TRIM2: variants seen among roughly 807,000 people sequenced by gnomAD.
The protein encoded by TRIM2 is tripartite motif-containing protein 2.
TRIM2 carries 20 observed loss-of-function variants against 75.2 expected under a neutral mutation model. The observed-to-expected ratio is 0.27, with a 90% CI of 0.19 to 0.39. The LOEUF (loss-of-function observed/expected upper bound fraction) is 0.39. Ranked by LOEUF, TRIM2 falls within the 10% of genes least tolerant of loss-of-function variation. The pLI is 1.00. For missense variants in TRIM2, 660 were observed against 990.8 expected (o/e 0.67, Z 4.48); for synonymous variants, 373 against 388.3 (o/e 0.96, Z 0.46).
chr4:153,308,459 T>C (rs1765510008), intron 6 of TRIM2: 3 of 787,972 alleles, frequency 3.8e-6, no homozygotes, highest in African/African-American at 1.7e-5. Flanking sequence ...GTGTCTTTAA[T>C]AGGCCCAAAG....
chr4:153,273,442 A>ATTTTTTTT (rs11459214), intron 2 of TRIM2, among the ~76,000 whole-genome samples: 85 of 77,620 alleles, frequency 1.1e-3, no homozygotes, highest in African/African-American at 1.2e-3. Flanking sequence ...CGCCCGGCTA[A>ATTTTTTTT]TTTTTTTTTT....
intron 1 of TRIM2, among the ~76,000 whole-genome samples, chr4:153,263,739 C>G (rs1015616147): frequency 6.6e-5 from 10 of 152,336 alleles, no homozygotes; most frequent in Admixed American, 3.3e-4. Flanking sequence ...TCTCACAGTT[C>G]TAGAGGTTAG....
At position 153,337,852 on chromosome 4, in the gene TRIM2, G is replaced by C; in HGVS notation, c.*2886G>C. On this transcript the variant is annotated 3_prime_UTR_variant, in exon 12 of 12. Transcript: ENST00000338700. Reference sequence around the variant, plus strand: ...TGGGCACGTAAGGCAAAATATTGCCGGTTGGGATTTCAAGGTCAGTGACGA... The same window carrying C: ...TGGGCACGTAAGGCAAAATATTGCCCGTTGGGATTTCAAGGTCAGTGACGA... The C allele has an allele frequency of 1.0e-6, 1 of 985,748 alleles. No individual in the cohort carries two copies. Among genetic ancestry groups the C allele is most frequent in the South Asian group, 4.7e-5 (1 of 21,270 alleles). The allele number at this position is 985,748 out of a possible 1,614,324, so 61.1% of individuals were successfully genotyped here.
chr4:153,180,547 G>A (rs986337883), intron 1 of TRIM2, among the ~76,000 whole-genome samples: 4 of 152,138 alleles, frequency 2.6e-5, no homozygotes, highest in Non-Finnish European at 5.9e-5. Flanking sequence ...GCGCAATCTT[G>A]GCTCACTGCA....
intron 1 of TRIM2, among the ~76,000 whole-genome samples, chr4:153,225,405 G>A (rs6857723): frequency 0.058 from 8,843 of 152,226 alleles, 752 homozygotes; most frequent in African/African-American, 0.19. Flanking sequence ...TGCTTAGAAT[G>A]TCTGTTTGAG....
intron 1 of TRIM2, among the ~76,000 whole-genome samples, chr4:153,235,962 T>C (rs1744926145): frequency 6.6e-6 from 1 of 152,138 alleles, no homozygotes; most frequent in Non-Finnish European, 1.5e-5. Context: ...GAGGGCTCCA[T>C]GTGACATGTG....
At chr4:153,187,091 C>T (rs888913391) in intron 1 of TRIM2, among the ~76,000 whole-genome samples, 4 of 152,114 alleles carry the variant, frequency 2.6e-5, no homozygotes, top group Admixed American at 6.5e-5. Context: ...ATCACCAGGT[C>T]GTACGTATGA....
At chr4:153,171,508 C>T (rs954995978) in intron 1 of TRIM2, among the ~76,000 whole-genome samples, 1 of 152,162 alleles carries the variant, frequency 6.6e-6, no homozygotes, top group African/African-American at 2.4e-5. Flanking sequence ...ATCACTTGAA[C>T]CCAGGAGGCA....
intron 1 of TRIM2, among the ~76,000 whole-genome samples, chr4:153,211,421 G>A (rs570975209): frequency 1.3e-4 from 20 of 152,176 alleles, no homozygotes; most frequent in African/African-American, 4.1e-4. Context: ...GGTAACATGG[G>A]AGCAGATCTT....
In TRIM2 at chr4:153,210,597, G is replaced by A. The variant is rs560578099; in HGVS notation, c.30+6037G>A. On this transcript the variant is annotated intron_variant, in intron 1 of 11. Transcript: ENST00000338700. Reference sequence around the variant, plus strand: ...TGGGGACCAAAAGGAAGGAACTAGAGCTCTCAAAATATTTGATTCTTGATT... The same window carrying A: ...TGGGGACCAAAAGGAAGGAACTAGAACTCTCAAAATATTTGATTCTTGATT... Among the ~76,000 whole-genome samples, 16 of 152,286 alleles carry A rather than the reference G, an allele frequency of 1.1e-4. No individual in the cohort carries two copies. The South Asian group carries it at 3.1e-3, about 30-fold the overall frequency.
intron 1 of TRIM2, among the ~76,000 whole-genome samples, chr4:153,196,245 C>G (rs1453661110): frequency 7.2e-6 from 1 of 139,708 alleles, no homozygotes; most frequent in Non-Finnish European, 1.6e-5. Context: ...GGCAACATGG[C>G]AAGACCCCAT....
At chr4:153,254,045 G>A (rs1440203730) in intron 1 of TRIM2, among the ~76,000 whole-genome samples, 2 of 152,132 alleles carry the variant, frequency 1.3e-5, no homozygotes, top group Non-Finnish European at 2.9e-5. Context: ...GATCGGGACC[G>A]CTTTCCAGTA....
chr4:153,290,132 A>G (rs888753953), intron 3 of TRIM2, among the ~76,000 whole-genome samples: 2 of 152,260 alleles, frequency 1.3e-5, no homozygotes, highest in Non-Finnish European at 2.9e-5. Context: ...CTTGATAGGA[A>G]TTATGTTTCA....
chr4:153,244,902 A>T (rs76429190), intron 1 of TRIM2, among the ~76,000 whole-genome samples: 3,481 of 152,272 alleles, frequency 0.023, 105 homozygotes, highest in East Asian at 0.08. Flanking sequence ...ATCATTTGTG[A>T]TCTGATTTCC....
intron 1 of TRIM2, chr4:153,257,452 G>A (rs1290015051): frequency 8.1e-7 from 1 of 1,237,738 alleles, no homozygotes; most frequent in Non-Finnish European, 1.0e-6. Flanking sequence ...ACTGAAGGGG[G>A]TCTTCCACTT....
chr4:153,329,431 G>A (rs1770946804), intron 11 of TRIM2, among the ~76,000 whole-genome samples: 1 of 151,798 alleles, frequency 6.6e-6, no homozygotes, highest in Non-Finnish European at 1.5e-5. Flanking sequence ...AAATTAATAC[G>A]CTAAATGCTT....
intron 1 of TRIM2, among the ~76,000 whole-genome samples, chr4:153,198,644 T>G (rs1734013775): frequency 6.6e-6 from 1 of 152,258 alleles, no homozygotes; most frequent in Non-Finnish European, 1.5e-5. Flanking sequence ...CATATTTATA[T>G]GGTCTCTTGA....
intron 1 of TRIM2, among the ~76,000 whole-genome samples, chr4:153,269,245 T>C (rs888599681): frequency 7.9e-5 from 12 of 152,136 alleles, no homozygotes; most frequent in African/African-American, 2.9e-4. Context: ...CAAAGGACAA[T>C]ATATTGCGGA....
At chr4:153,173,665 AAATAAT>A (rs986043764) in intron 1 of TRIM2, among the ~76,000 whole-genome samples, 3 of 149,910 alleles carry the variant, frequency 2.0e-5, no homozygotes, top group South Asian at 2.1e-4. Context: ...CTCCGTCTCA[AAATAAT>A]AATAATAATA....
Sources: allele counts gnomAD v4.1 joint callset (sites outside exome capture counted in the v4.1 genomes callset), GRCh38; gene constraint gnomAD v4.1.1; transcripts MANE v1.5; gene names NCBI Gene and HGNC (gene_info 2026-07-23, HGNC 2026-07-21).